The following SLIT3 variants were observed in gnomAD, a reference collection of about 807,000 sequenced individuals.
SLIT3 encodes slit homolog 3 protein.
A neutral mutation model predicts 184.0 loss-of-function variants in SLIT3; 68 were observed. The observed-to-expected ratio is 0.37, with a 90% CI of 0.30 to 0.45. The LOEUF is 0.45. SLIT3 is among the 20% of genes least tolerant of loss of function. SLIT3 has a pLI of 1.00. For synonymous variants in SLIT3, 831 were observed against 828.6 expected, an observed-to-expected ratio of 1.00 and a Z score of -0.05; for missense variants, 1,707 against 2,026.0, an observed-to-expected ratio of 0.84 and a Z score of 3.02.
intron 4 of SLIT3, among the ~76,000 whole-genome samples, chr5:168,938,496 T>C (rs910657625): frequency 3.3e-5 from 5 of 152,210 alleles, no homozygotes; most frequent in African/African-American, 9.6e-5. Flanking sequence ...CCAATGATGA[T>C]ACTGTTGTTT....
At chr5:168,723,160 C>A (rs1001089729) in intron 21 of SLIT3, among the ~76,000 whole-genome samples, 156 bp from the exon 22 acceptor site, 1 of 151,950 alleles carries the variant, frequency 6.6e-6, no homozygotes, top group African/African-American at 2.4e-5. Flanking sequence ...TCTATCCATC[C>A]CGCTGCTGGC....
intron 3 of SLIT3, among the ~76,000 whole-genome samples, chr5:169,234,394 G>A (rs545688888): frequency 7.3e-4 from 111 of 152,114 alleles, no homozygotes; most frequent in African/African-American, 2.3e-3. Context: ...CCAGTCTTTC[G>A]GTTGTATGAA....
At chr5:169,124,042 TCATTAGG>T (rs1760987090) in intron 4 of SLIT3, among the ~76,000 whole-genome samples, 1 of 152,164 alleles carries the variant, frequency 6.6e-6, no homozygotes, top group African/African-American at 2.4e-5. Context: ...CAGACGGAAA[TCATTAGG>T]CATCCACTTA....
chr5:169,079,816 AGGAGGAGGGAGGAGGAGGAG>A (rs1191016016), intron 4 of SLIT3, among the ~76,000 whole-genome samples: 3 of 6,482 alleles, frequency 4.6e-4, no homozygotes, highest in Non-Finnish European at 6.4e-4. Context: ...GAAGGGGAAG[AGGAGGAGGGAGGAGGAGGAG>A]GGAGGGAGGA....
At position 168,772,851 on chromosome 5, in the gene SLIT3, G is replaced by A. The variant is rs56105736; in HGVS notation, c.1389C>T (p.Arg463=). 6 of 1,614,008 alleles carry A rather than the reference G, an allele frequency of 3.7e-6. No homozygotes were observed. In the South Asian group the frequency reaches 6.6e-5, roughly 18 times the overall value. The stretch of plus-strand genomic sequence containing the variant: ...TGGCGAGTCGGCGCGGGCTGCTGCA[G>A]CGGGCCCCGCTTGTCTCGATGGGGT... ...QDNPIETSGA[R]CSSPRRLANK... is the part of the protein sequence containing the mutation. Residue 463 remains arginine (R), a synonymous_variant, in exon 14 of 36, where the codon CGC becomes CGT. Transcript: ENST00000519560.
At chr5:169,164,008 C>A (rs1466487274) in intron 4 of SLIT3, among the ~76,000 whole-genome samples, 1 of 152,154 alleles carries the variant, frequency 6.6e-6, no homozygotes, top group Non-Finnish European at 1.5e-5. Context: ...GCAGTGGGCC[C>A]ATCTCCCAGT....
chr5:168,895,149 C>CACTGTAACCTT (rs1276010330), intron 4 of SLIT3, among the ~76,000 whole-genome samples: 1 of 152,192 alleles, frequency 6.6e-6, no homozygotes, highest in Non-Finnish European at 1.5e-5. Context: ...GTGTCTACCC[C>CACTGTAACCTT]ACTGTAACCT....
chr5:168,711,063 G>A lies in SLIT3; in HGVS notation c.2556-5C>T, dbSNP rs1762543169. On this transcript the variant is annotated splice_polypyrimidine_tract_variant and splice_region_variant and intron_variant, in intron 24 of 35. Transcript: ENST00000519560. ...AGTGGGTTGGTTCCCAGCGCCCTAG[G>A]AGGCAGAACAGGAAGTCAGGGCCCC... The A allele has an allele frequency of 1.9e-6, 3 of 1,565,358 alleles. No individual in the cohort carries two copies. Among genetic ancestry groups the A allele is most frequent in the Admixed American group, 1.8e-5 (1 of 55,864 alleles).
At chr5:169,164,906 A>T (rs1216372953) in intron 4 of SLIT3, among the ~76,000 whole-genome samples, 1 of 152,232 alleles carries the variant, frequency 6.6e-6, no homozygotes, top group African/African-American at 2.4e-5. Flanking sequence ...GCCACAGAAG[A>T]TACCCTGCCG....
chr5:169,123,069 C>T lies in SLIT3; in HGVS notation c.413+70410G>A, dbSNP rs185765827. On this transcript the variant is annotated intron_variant, in intron 4 of 35. Transcript: ENST00000519560. ...GGATCTTCAAAAACTTAATGGAAAA[C>T]GTTTACTATGAAAAAACCATGCATG... 5.3e-5 allele frequency among the ~76,000 whole-genome samples: 8 copies of T among 151,614 alleles called. No individual in the cohort carries two copies. In the East Asian group the frequency reaches 9.7e-4, roughly 18 times the overall value.
intron 20 of SLIT3, 86 bp from the exon 21 acceptor site, chr5:168,724,570 G>T: frequency 1.9e-6 from 2 of 1,056,294 alleles, no homozygotes; most frequent in Non-Finnish European, 2.8e-6. Context: ...TGACTTTCCA[G>T]GCTGGATTAG....
Position 168,862,714 on chromosome 5 carries a change from G to A in SLIT3, c.486-18059C>T, listed in dbSNP as rs182022011. Among the ~76,000 whole-genome samples, 222 of 150,766 alleles carry A rather than the reference G, an allele frequency of 1.5e-3. 1 individual carries two copies. The highest frequency in any genetic ancestry group is 5.1e-3 in the African/African-American group (208 of 40,858). ...TGTGAGATGGAGTTTTGCTCTTGTC[G>A]CCCAGGCTGGAGTGCAATGGCACAA... On this transcript the variant is annotated intron_variant, in intron 5 of 35. Transcript: ENST00000519560.
chr5:168,762,990 A>T (rs1205017719), intron 14 of SLIT3, among the ~76,000 whole-genome samples: 1 of 152,126 alleles, frequency 6.6e-6, no homozygotes. Context: ...GAAGCTGATG[A>T]AAGTTATGAA....
At chr5:169,011,156 G>A (rs930029016) in intron 4 of SLIT3, among the ~76,000 whole-genome samples, 1 of 152,124 alleles carries the variant, frequency 6.6e-6, no homozygotes, top group African/African-American at 2.4e-5. Context: ...ACCCTGAATT[G>A]CTTCTGAGTC....
chr5:169,007,558 T>C (rs1341654864), intron 4 of SLIT3, among the ~76,000 whole-genome samples: 3 of 152,250 alleles, frequency 2.0e-5, no homozygotes, highest in East Asian at 3.8e-4. Context: ...CACATACCTA[T>C]GTGTGTGTTA....
intron 4 of SLIT3, among the ~76,000 whole-genome samples, chr5:168,928,879 C>T (rs1761908239): frequency 6.6e-6 from 1 of 152,258 alleles, no homozygotes; most frequent in South Asian, 2.1e-4. Context: ...TGAGATAATC[C>T]AAGCACCTCT....
intron 4 of SLIT3, among the ~76,000 whole-genome samples, chr5:169,179,321 G>C (rs1180686835): frequency 1.3e-5 from 1 of 77,734 alleles, no homozygotes; most frequent in African/African-American, 4.2e-5. Context: ...GTTTTTGTTT[G>C]AGTCTCCACA....
chr5:169,226,386 C>T (rs1764809679), intron 3 of SLIT3, among the ~76,000 whole-genome samples: 2 of 151,794 alleles, frequency 1.3e-5, no homozygotes, highest in East Asian at 1.9e-4. Context: ...CAAAAAGTGG[C>T]CTGATCCCCA....
At chr5:169,198,922 A>G (rs1763823807) in intron 3 of SLIT3, among the ~76,000 whole-genome samples, 1 of 150,400 alleles carries the variant, frequency 6.6e-6, no homozygotes, top group African/African-American at 2.5e-5. Context: ...ACAGAGCAAG[A>G]CTCCAACTCA....
Sources: gnomAD v4.1 joint callset for allele counts (sites outside exome capture counted in the v4.1 genomes callset) on GRCh38, gnomAD v4.1.1 for gene constraint, MANE v1.5 for transcripts, NCBI Gene and HGNC (gene_info 2026-07-23, HGNC 2026-07-21) for gene names.